The following DES variants were observed in gnomAD, a reference collection of about 807,000 sequenced individuals.
The protein encoded by DES is cardiomyopathy, dilated 1F (autosomal dominant).
In DES, 34 loss-of-function variants were observed where a neutral mutation model predicts 55.1. The observed-to-expected ratio is 0.62, with a 90% CI of 0.47 to 0.82. The LOEUF (loss-of-function observed/expected upper bound fraction) is 0.82, where lower values mean the gene tolerates loss of function less well. Ranked by LOEUF, DES falls within the 40% of genes least tolerant of loss-of-function variation. DES has a pLI of 0.00. For missense variants in DES, 596 were observed against 645.9 expected (o/e 0.92, Z 0.84); for synonymous variants, 259 against 270.8 (o/e 0.96, Z 0.43).
intron 5 of DES, 82 bp from the exon 6 acceptor site, chr2:219,421,258 A>C: frequency 6.8e-7 from 1 of 1,461,918 alleles, no homozygotes. Context: ...GACCATCTGG[A>C]GTTGCCTGCC....
intron 6 of DES, among the ~76,000 whole-genome samples, chr2:219,422,810 G>A (rs912523741): frequency 6.6e-6 from 1 of 152,122 alleles, no homozygotes; most frequent in African/African-American, 2.4e-5. Flanking sequence ...TTACACAGAC[G>A]TGGACATTGA....
chr2:219,420,865 A>C lies in DES; in HGVS notation c.935A>C (p.Asp312Ala), dbSNP rs148947510. ...DLTQAANKNN[D>A]ALRQAKQEMM... ...ACCCAGGCAGCCAACAAGAACAACG[A>C]CGCCCTGCGCCAGGCCAAGCAGGAG... The change falls in exon 5 of 9, where the codon GAC (aspartate) becomes GCC (alanine). Residue 312 changes from aspartate (D) to alanine (A), a missense_variant. Physicochemically the swap from Asp to Ala is moderately radical, Grantham distance 126 (BLOSUM62 -2). Coordinates refer to ENST00000373960, the MANE Select transcript of DES (RefSeq NM_001927.4). This position sits in a 1 kb window ranked among gnomAD's most constrained non-coding sequence, Gnocchi z 6.0. 2.1e-4 allele frequency: 336 copies of C among 1,613,674 alleles called. No individual in the cohort carries two copies. In the African/African-American group the frequency reaches 3.1e-3, roughly 15 times the overall value.
In DES at chr2:219,420,880, C is replaced by G; in HGVS notation, c.950C>G (p.Ala317Gly). 6.2e-7 allele frequency: 1 copy of G among 1,613,850 alleles called. No homozygotes were observed. Among genetic ancestry groups the G allele is most frequent in the Non-Finnish European group, 8.5e-7 (1 of 1,180,002 alleles). The change falls in exon 5 of 9, where the codon GCC becomes GGC. Residue 317 changes from alanine (A) to glycine (G), a missense_variant. Coordinates refer to ENST00000373960, the MANE Select transcript of DES (RefSeq NM_001927.4). The surrounding 1 kb of genome is among the most constrained non-coding windows in gnomAD (Gnocchi z 6.0). ...ANKNNDALRQ[A>G]KQEMMEYRHQ... ...AAGAACAACGACGCCCTGCGCCAGG[C>G]CAAGCAGGAGATGATGGAATACCGA...
In DES at chr2:219,422,007, C is replaced by T. The variant is rs372914388; in HGVS notation, c.1244+447C>T. On this transcript the variant is annotated intron_variant, in intron 6 of 8. Coordinates refer to ENST00000373960, the MANE Select transcript of DES (RefSeq NM_001927.4). Reference sequence around the variant, plus strand: ...CAAGAGGCCACTGCTCTATTAATTGCAGAGAATTAACCAAGGCCACCTGGG... The same window carrying T: ...CAAGAGGCCACTGCTCTATTAATTGTAGAGAATTAACCAAGGCCACCTGGG... Among the ~76,000 whole-genome samples the T allele has an allele frequency of 1.7e-3, 254 of 152,266 alleles. 1 individual carries two copies. Among genetic ancestry groups the T allele is most frequent in the African/African-American group, 5.1e-3 (213 of 41,538 alleles).
chr2:219,422,413 C>T (rs1417995394), intron 6 of DES, among the ~76,000 whole-genome samples: 1 of 151,070 alleles, frequency 6.6e-6, no homozygotes, highest in Non-Finnish European at 1.5e-5. Context: ...CAACATACAA[C>T]TGGAAAGGGA....
Position 219,420,843 on chromosome 2 carries a change from C to T in DES, c.913C>T (p.Gln305Ter). ...CTGCCCTTAGGTGTCAGACCTGACC[C>T]AGGCAGCCAACAAGAACAACGACGC... ...WYKSKVSDLT[Q>*]AANKNNDALR... Residue 305 changes from glutamine (Q) to a stop codon, truncating the protein, a stop_gained, in exon 5 of 9, where the codon CAG (glutamine) becomes TAG (stop). Transcript: ENST00000373960. LOFTEE classifies it high-confidence loss of function. This position sits in a 1 kb window ranked among gnomAD's most constrained non-coding sequence, Gnocchi z 6.0. 6.2e-7 allele frequency: 1 copy of T among 1,613,770 alleles called. No individual in the cohort carries two copies. The highest frequency in any genetic ancestry group is 8.5e-7 in the Non-Finnish European group (1 of 1,180,004).
chr2:219,423,608 T>A (rs1243746200), intron 6 of DES, among the ~76,000 whole-genome samples, 169 bp from the exon 7 acceptor site: 1 of 151,850 alleles, frequency 6.6e-6, no homozygotes, highest in Non-Finnish European at 1.5e-5. Flanking sequence ...CCCGGCTAAT[T>A]TTTTGTATTT....
At chr2:219,425,434 C>T in intron 7 of DES, 2 of 559,906 alleles carry the variant, frequency 3.6e-6, no homozygotes, top group East Asian at 3.1e-5. Flanking sequence ...AATCTGTTGG[C>T]TCCTGAGACC....
At chr2:219,423,492 T>G (rs1954479985) in intron 6 of DES, among the ~76,000 whole-genome samples, 1 of 146,268 alleles carries the variant, frequency 6.8e-6, no homozygotes, top group Non-Finnish European at 1.5e-5. Context: ...CAGGCTGGAG[T>G]GCAGTGGTGC....
rs1299865491 is a variant in DES, at chr2:219,419,224, C to G, written c.578+184C>G. Among the ~76,000 whole-genome samples, 1 of 152,202 alleles carries G rather than the reference C, an allele frequency of 6.6e-6. No homozygotes were observed. Among genetic ancestry groups the G allele is most frequent in the Admixed American group, 6.5e-5 (1 of 15,286 alleles). On this transcript the variant is annotated intron_variant, in intron 1 of 8. Transcript: ENST00000373960. This position sits in a 1 kb window ranked among gnomAD's most constrained non-coding sequence, Gnocchi z 4.3. ...GGGCCGTGACCTCCAGGTCTCTCCCCCTGCGATCCCATCTTGCACAGGAGT... is the reference window on the plus strand; with the variant it reads ...GGGCCGTGACCTCCAGGTCTCTCCCGCTGCGATCCCATCTTGCACAGGAGT...
intron 6 of DES, among the ~76,000 whole-genome samples, chr2:219,423,357 G>A (rs1220537852): frequency 1.3e-5 from 2 of 152,214 alleles, no homozygotes; most frequent in African/African-American, 2.4e-5. Flanking sequence ...GCTGGGGTCC[G>A]TGGGACTGGG....
At chr2:219,423,633 G>C in intron 6 of DES, 144 bp from the exon 7 acceptor site, 1 of 743,330 alleles carries the variant, frequency 1.3e-6, no homozygotes, top group Non-Finnish European at 2.4e-6. Flanking sequence ...TAGAGACGGG[G>C]TTTCACTGTG....
rs1483093429 is a variant in DES, at chr2:219,419,033, A to G, written c.571A>G (p.Lys191Glu). 6.5e-7 allele frequency: 1 copy of G among 1,540,810 alleles called. No homozygotes were observed. Among genetic ancestry groups the G allele is most frequent in the African/African-American group, 1.4e-5 (1 of 73,034 alleles). ...DNLLDDLQRLKAKLQEEIQLK... is the reference protein window; with the variant it reads ...DNLLDDLQRLEAKLQEEIQLK... ...CCTGCTCGACGACCTGCAGCGGCTC[A>G]AGGCCAAGTGAGGGCCCGGCACCCC... The change falls in exon 1 of 9, where the codon AAG (lysine) becomes GAG (glutamate). Residue 191 changes from lysine to glutamate, a missense_variant. Physicochemically the swap from Lys to Glu is moderately conservative, Grantham distance 56. Transcript: ENST00000373960. The surrounding 1 kb of genome is among the most constrained non-coding windows in gnomAD (Gnocchi z 4.3).
In DES at chr2:219,420,125, A is replaced by C. The variant is rs369495436; in HGVS notation, c.609A>C (p.Glu203Asp). 4.6e-5 allele frequency: 74 copies of C among 1,614,130 alleles called. No homozygotes were observed. The highest frequency in any genetic ancestry group is 5.7e-5 in the Non-Finnish European group (67 of 1,180,052). ...AGGAGGAGATTCAGTTGAAGGAAGA[A>C]GCAGAGAACAATTTGGCTGCCTTCC... ...KLQEEIQLKE[E>D]AENNLAAFRA... Residue 203 changes from glutamate to aspartate, a missense_variant, in exon 2 of 9, where the codon GAA becomes GAC. Transcript: ENST00000373960. This position sits in a 1 kb window ranked among gnomAD's most constrained non-coding sequence, Gnocchi z 6.0.
At chr2:219,421,166 C>T (rs1954433483) in intron 5 of DES, among the ~76,000 whole-genome samples, 174 bp from the exon 6 acceptor site, 1 of 152,208 alleles carries the variant, frequency 6.6e-6, no homozygotes, top group East Asian at 1.9e-4. Context: ...AGGCTGAATG[C>T]AATGTTCCTT....
chr2:219,419,183 A>G lies in DES; in HGVS notation c.578+143A>G. The G allele has an allele frequency of 2.7e-6, 4 of 1,464,010 alleles. No individual in the cohort carries two copies. Among genetic ancestry groups the G allele is most frequent in the Non-Finnish European group, 1.8e-6 (2 of 1,105,994 alleles). 90.7% of individuals were successfully genotyped at this position (1,464,010 alleles called of 1,614,324 possible). A position where few individuals can be genotyped will look rare whatever the true frequency, so the allele number is the denominator to read the frequency against. On this transcript the variant is annotated intron_variant, in intron 1 of 8. Transcript: ENST00000373960. This position sits in a 1 kb window ranked among gnomAD's most constrained non-coding sequence, Gnocchi z 4.3. Reference sequence around the variant, plus strand: ...GCCCCATGTGGAGAAAGGGTCCTCCACCTGTGTGTTTCAAGGGGCCGTGAC... The same window carrying G: ...GCCCCATGTGGAGAAAGGGTCCTCCGCCTGTGTGTTTCAAGGGGCCGTGAC...
intron 7 of DES, among the ~76,000 whole-genome samples, chr2:219,424,021 C>G (rs1954493122): frequency 6.6e-6 from 1 of 152,160 alleles, no homozygotes; most frequent in South Asian, 2.1e-4. Flanking sequence ...ACAGAGAGAG[C>G]TTTTTATGTG....
In DES at chr2:219,419,022, T is replaced by G. The variant is rs1248833348; in HGVS notation, c.560T>G (p.Leu187Arg). The G allele has an allele frequency of 2.6e-6, 4 of 1,543,276 alleles. No homozygotes were observed. In the African/African-American group the frequency reaches 5.5e-5, roughly 21 times the overall value. ...DVERDNLLDD[L>R]QRLKAKLQEE... ...GAGCGCGACAACCTGCTCGACGACCTGCAGCGGCTCAAGGCCAAGTGAGGG... is the reference window on the plus strand; with the variant it reads ...GAGCGCGACAACCTGCTCGACGACCGGCAGCGGCTCAAGGCCAAGTGAGGG... Residue 187 changes from leucine (L) to arginine (R), a missense_variant, in exon 1 of 9, where the codon CTG becomes CGG. Leu to Arg is a moderately radical substitution (Grantham distance 102). Transcript: ENST00000373960. This position sits in a 1 kb window ranked among gnomAD's most constrained non-coding sequence, Gnocchi z 4.3.
chr2:219,420,164 C>T lies in DES; in HGVS notation c.639+9C>T, dbSNP rs748846624. 6.2e-7 allele frequency: 1 copy of T among 1,614,202 alleles called. No individual in the cohort carries two copies. On this transcript the variant is annotated intron_variant, in intron 2 of 8. Coordinates refer to ENST00000373960, the MANE Select transcript of DES (RefSeq NM_001927.4). This position sits in a 1 kb window ranked among gnomAD's most constrained non-coding sequence, Gnocchi z 6.0. Reference sequence around the variant, plus strand: ...TGGCTGCCTTCCGAGCGGTGAGTGCCCTTCTTTTCCCCTTGCATGGCCTCT... The same window carrying T: ...TGGCTGCCTTCCGAGCGGTGAGTGCTCTTCTTTTCCCCTTGCATGGCCTCT...
Sources: gnomAD v4.1 joint callset for allele counts (sites outside exome capture counted in the v4.1 genomes callset) on GRCh38, gnomAD v4.1.1 for gene constraint, Gnocchi (gnomAD v3.1) non-coding constraint, MANE v1.5 for transcripts, NCBI Gene and HGNC (gene_info 2026-07-23, HGNC 2026-07-21) for gene names.